Variants in SNX13 observed in about 807,000 individuals in gnomAD.
SNX13 encodes the protein sorting nexin-13.
SNX13 carries 45 observed loss-of-function variants against 133.6 expected under a neutral mutation model. The observed-to-expected ratio is 0.34, with a 90% CI of 0.27 to 0.43. SNX13 has a LOEUF of 0.43. SNX13 is among the 20% of genes least tolerant of loss of function. The probability of loss-of-function intolerance (pLI) is 1.00; values close to 1 mark genes in which losing one functional copy is unlikely to be tolerated. For missense variants in SNX13, 1,032 were observed against 1,145.1 expected (o/e 0.90, Z 1.43); for synonymous variants, 414 against 373.9 (o/e 1.11, Z -1.24).
intron 2 of SNX13, among the ~76,000 whole-genome samples, chr7:17,893,834 T>C (rs1796909485): frequency 3.4e-5 from 5 of 147,478 alleles, no homozygotes. Context: ...TTAGCCAGGG[T>C]GGTGGCTTGC....
chr7:17,827,764 T>C lies in SNX13; in HGVS notation c.1636-1673A>G, dbSNP rs184046889. On this transcript the variant is annotated intron_variant, in intron 16 of 25. Transcript: ENST00000428135. ...TGTCAGGACATACTGGGAATGAAAA[T>C]GCTTTGGAAAAAAAAAGGAGTGCAT... is the stretch of plus-strand genomic sequence containing the variant. 4.5e-4 allele frequency among the ~76,000 whole-genome samples: 69 copies of C among 151,752 alleles called. No homozygotes were observed. The East Asian group carries it at 0.012, about 27-fold the overall frequency.
At chr7:17,939,701 A>T (rs1802554640) in intron 1 of SNX13, among the ~76,000 whole-genome samples, 1 of 152,226 alleles carries the variant, frequency 6.6e-6, no homozygotes, top group African/African-American at 2.4e-5. Flanking sequence ...GATGACCACG[A>T]TTTAACCGAA....
At chr7:17,834,564 C>G (rs1444378877) in intron 14 of SNX13, among the ~76,000 whole-genome samples, 197 bp downstream of exon 14, 1 of 151,808 alleles carries the variant, frequency 6.6e-6, no homozygotes, top group Non-Finnish European at 1.5e-5. Flanking sequence ...AACAACCCAA[C>G]TTAAGGATTT....
intron 11 of SNX13, among the ~76,000 whole-genome samples, chr7:17,849,246 C>T (rs148148236): frequency 6.6e-6 from 1 of 152,192 alleles, no homozygotes; most frequent in Non-Finnish European, 1.5e-5. Flanking sequence ...ACTATTTATA[C>T]AGTTGCTCAA....
intron 17 of SNX13, among the ~76,000 whole-genome samples, chr7:17,824,010 TA>T (rs1056476282): frequency 1.3e-5 from 2 of 151,388 alleles, no homozygotes; most frequent in Non-Finnish European, 2.9e-5. Flanking sequence ...GGTAATTATT[TA>T]AAAAAAATGC....
chr7:17,926,941 A>G (rs1800816870), intron 1 of SNX13, among the ~76,000 whole-genome samples: 1 of 152,136 alleles, frequency 6.6e-6, no homozygotes, highest in Admixed American at 6.6e-5. Flanking sequence ...ATGAACAGCA[A>G]TTCAAAACAG....
At chr7:17,832,103 TTCAAATGTGAGGGGTTAC>T (rs1169061907) in intron 15 of SNX13, 1 of 983,466 alleles carries the variant, frequency 1.0e-6, no homozygotes, top group Non-Finnish European at 1.2e-6. Flanking sequence ...CAATCAATGA[TTCAAATGTGAGGGGTTAC>T]TCAATAACTG....
chr7:17,906,437 A>C (rs1319465607), intron 1 of SNX13, among the ~76,000 whole-genome samples: 1 of 152,126 alleles, frequency 6.6e-6, no homozygotes, highest in Non-Finnish European at 1.5e-5. Context: ...TAAAATATGT[A>C]CCACACAATT....
chr7:17,887,996 G>A (rs772544536), intron 5 of SNX13, among the ~76,000 whole-genome samples: 8 of 152,054 alleles, frequency 5.3e-5, no homozygotes, highest in Non-Finnish European at 1.0e-4. Flanking sequence ...CACAGAATAA[G>A]GCTTTCTGAA....
intron 16 of SNX13, among the ~76,000 whole-genome samples, chr7:17,827,232 T>C (rs1203627836): frequency 9.9e-5 from 15 of 152,160 alleles, no homozygotes; most frequent in Admixed American, 2.0e-4. Context: ...CTGTGAGTTT[T>C]CTTAGCAAAT....
Position 17,834,032 on chromosome 7 carries a change from T to C in SNX13, c.1597+20A>G. 1 of 1,483,936 alleles carries C rather than the reference T, an allele frequency of 6.7e-7. No individual in the cohort carries two copies. Among genetic ancestry groups the C allele is most frequent in the Non-Finnish European group, 9.0e-7 (1 of 1,107,672 alleles). The allele number at this position is 1,483,936 out of a possible 1,614,324, so 91.9% of individuals were successfully genotyped here. ...TATAAATATATATGCATATTATGTGTAAAATGGGTGCCACCTTACCTCCAT... is the reference window on the plus strand; with the variant it reads ...TATAAATATATATGCATATTATGTGCAAAATGGGTGCCACCTTACCTCCAT... On this transcript the variant is annotated intron_variant, in intron 15 of 25. Coordinates refer to ENST00000428135, the MANE Select transcript of SNX13 (RefSeq NM_015132.5).
At chr7:17,832,071 A>C (rs147245107) in intron 15 of SNX13, 1 of 982,734 alleles carries the variant, frequency 1.0e-6, no homozygotes, top group East Asian at 1.1e-4. Flanking sequence ...AATAAGATAC[A>C]TAAGTATATA....
intron 20 of SNX13, among the ~76,000 whole-genome samples, chr7:17,810,383 T>C (rs1785869646): frequency 6.6e-6 from 1 of 151,344 alleles, no homozygotes; most frequent in Non-Finnish European, 1.5e-5. Context: ...AACAGAAAAA[T>C]TCCTAGACAC....
intron 8 of SNX13, among the ~76,000 whole-genome samples, chr7:17,872,252 T>C (rs1277678387): frequency 6.6e-6 from 1 of 151,964 alleles, no homozygotes; most frequent in Non-Finnish European, 1.5e-5. Context: ...TAAACATGAC[T>C]AAAAAGGAAA....
At chr7:17,854,187 C>T (rs909368814) in intron 9 of SNX13, among the ~76,000 whole-genome samples, 7 of 151,990 alleles carry the variant, frequency 4.6e-5, no homozygotes, top group Admixed American at 2.0e-4. Flanking sequence ...GTAAATTATG[C>T]ATGCAGATGT....
At chr7:17,939,690 T>C (rs1802551904) in intron 1 of SNX13, among the ~76,000 whole-genome samples, 1 of 152,142 alleles carries the variant, frequency 6.6e-6, no homozygotes, top group South Asian at 2.1e-4. Flanking sequence ...CTGAACTTTG[T>C]GATGACCACG....
chr7:17,920,828 A>T (rs1173513022), intron 1 of SNX13, among the ~76,000 whole-genome samples: 1 of 152,208 alleles, frequency 6.6e-6, no homozygotes, highest in Non-Finnish European at 1.5e-5. Context: ...TTGTATGTTG[A>T]AAAAGTGAAA....
chr7:17,860,350 T>A (rs1210672032), intron 9 of SNX13, among the ~76,000 whole-genome samples: 2 of 152,170 alleles, frequency 1.3e-5, no homozygotes, highest in African/African-American at 4.8e-5. Context: ...TGTTGTTGAG[T>A]AGTATGAGTT....
At chr7:17,867,179 A>G (rs1395462704) in intron 9 of SNX13, among the ~76,000 whole-genome samples, 3 of 152,202 alleles carry the variant, frequency 2.0e-5, no homozygotes, top group Admixed American at 6.5e-5. Flanking sequence ...CAAAGTCTAA[A>G]AAAGTTCACA....
Sources: allele counts gnomAD v4.1 joint callset (sites outside exome capture counted in the v4.1 genomes callset), GRCh38; gene constraint gnomAD v4.1.1; transcripts MANE v1.5; gene names NCBI Gene and HGNC (gene_info 2026-07-23, HGNC 2026-07-21).